Variants in PCLO observed in about 807,000 individuals in gnomAD.
The protein encoded by PCLO is piccolo presynaptic cytomatrix protein.
Under a neutral mutation model 427.5 loss-of-function variants are expected in PCLO, and 82 were observed. The ratio of observed to expected loss-of-function variants is 0.19; its 90% CI spans 0.16 to 0.23. PCLO has a LOEUF of 0.23. PCLO is among the 10% of genes least tolerant of loss of function. The pLI, the probability that PCLO is intolerant of heterozygous loss-of-function variation, is 1.00. For synonymous variants in PCLO, 2,357 were observed against 2,155.4 expected (o/e 1.09, Z -2.59); for missense variants, 6,239 against 6,115.9 (o/e 1.02, Z -0.67).
At chr7:82,763,161 A>G (rs762651692) in intron 22 of PCLO, among the ~76,000 whole-genome samples, 10 of 152,134 alleles carry the variant, frequency 6.6e-5, no homozygotes, top group Non-Finnish European at 1.5e-4. Context: ...TGATTCATCG[A>G]GGATACCCTT....
chr7:82,911,101 A>G (rs1794309657), intron 7 of PCLO, among the ~76,000 whole-genome samples: 1 of 152,154 alleles, frequency 6.6e-6, no homozygotes, highest in African/African-American at 2.4e-5. Flanking sequence ...GCCTATAGAA[A>G]TAAAGTAGAA....
intron 10 of PCLO, among the ~76,000 whole-genome samples, chr7:82,878,151 G>A (rs930029140): frequency 6.6e-6 from 1 of 152,152 alleles, no homozygotes; most frequent in Admixed American, 6.5e-5. Context: ...TGATGTTACT[G>A]AATTTGAAGT....
At chr7:82,921,782 C>T (rs548393547) in intron 6 of PCLO, among the ~76,000 whole-genome samples, 1 of 151,888 alleles carries the variant, frequency 6.6e-6, no homozygotes, top group South Asian at 2.1e-4. Flanking sequence ...AGCAAAAAAA[C>T]TATCAACAGA....
intron 10 of PCLO, among the ~76,000 whole-genome samples, chr7:82,872,251 T>TA (rs1172235005): frequency 2.0e-5 from 3 of 151,892 alleles, no homozygotes; most frequent in African/African-American, 7.2e-5. Flanking sequence ...AAAGATGCCC[T>TA]AAAATGGTTA....
chr7:83,041,637 G>A (rs569910199), intron 3 of PCLO, among the ~76,000 whole-genome samples: 1 of 152,156 alleles, frequency 6.6e-6, no homozygotes, highest in South Asian at 2.1e-4. Context: ...TTAACCTATA[G>A]TGTACAGTCA....
intron 20 of PCLO, among the ~76,000 whole-genome samples, chr7:82,812,982 C>T (rs1791604162): frequency 6.6e-6 from 1 of 151,392 alleles, no homozygotes; most frequent in Non-Finnish European, 1.5e-5. Context: ...AAAAGTCATT[C>T]TAAAAATAGT....
At chr7:83,024,649 G>A (rs1407342206) in intron 3 of PCLO, among the ~76,000 whole-genome samples, 2 of 152,190 alleles carry the variant, frequency 1.3e-5, no homozygotes, top group Non-Finnish European at 2.9e-5. Flanking sequence ...CACCTCTGGG[G>A]GCAGGACACA....
chr7:82,915,156 T>A lies in PCLO; in HGVS notation c.12830A>T (p.Asp4277Val). The A allele has an allele frequency of 5.6e-6, 9 of 1,595,804 alleles. No individual in the cohort carries two copies. Among genetic ancestry groups the A allele is most frequent in the Non-Finnish European group, 7.7e-6 (9 of 1,170,260 alleles). ...LGNTIRSALQ[D>V]EADKPYSSGS... is the part of the protein sequence containing the mutation. ...ACTACTGTATGGCTTATCCGCTTCA[T>A]CCTGCAGAGCTGAGCGTATGGTATT... The change falls in exon 7 of 25, where the codon GAT becomes GTT. Residue 4277 changes from aspartate to valine, a missense_variant. By Grantham distance (152) the Asp-to-Val change is radical (BLOSUM62 -3). Transcript: ENST00000333891.
At chr7:83,028,367 G>A (rs376792176) in intron 3 of PCLO, among the ~76,000 whole-genome samples, 3 of 149,208 alleles carry the variant, frequency 2.0e-5, no homozygotes, top group Admixed American at 6.7e-5. Flanking sequence ...ATTGCTTCAA[G>A]GAGAATAAAA....
intron 3 of PCLO, among the ~76,000 whole-genome samples, chr7:83,067,161 A>C (rs1242279966): frequency 2.6e-5 from 4 of 152,296 alleles, no homozygotes; most frequent in Non-Finnish European, 5.9e-5. Flanking sequence ...GATATTCCAA[A>C]ATTTTAAAAA....
At chr7:82,903,759 A>G (rs1794116607) in intron 8 of PCLO, among the ~76,000 whole-genome samples, 1 of 151,974 alleles carries the variant, frequency 6.6e-6, no homozygotes, top group Admixed American at 6.6e-5. Flanking sequence ...AAAATTTCAT[A>G]TTACCTATTT....
At position 83,160,221 on chromosome 7, in the gene PCLO, G is replaced by C. The variant is rs1163466526; in HGVS notation, c.248+2124C>G. 3.3e-5 allele frequency among the ~76,000 whole-genome samples: 5 copies of C among 152,108 alleles called. No homozygotes were observed. In the East Asian group the frequency reaches 9.6e-4, roughly 29 times the overall value. On this transcript the variant is annotated intron_variant, in intron 1 of 24. Coordinates refer to ENST00000333891, the MANE Select transcript of PCLO (RefSeq NM_033026.6). The stretch of plus-strand genomic sequence containing the variant: ...ATTAGTAGCCTTATTTAAAGGCAAG[G>C]AACATGAGACACATTGATTGAGAAG...
At chr7:83,086,686 A>G (rs186228268) in intron 3 of PCLO, among the ~76,000 whole-genome samples, 134 of 152,244 alleles carry the variant, frequency 8.8e-4, no homozygotes, top group African/African-American at 3.0e-3. Flanking sequence ...ATGCATCAAC[A>G]TATATTTTCA....
At chr7:82,982,160 G>A (rs553483857) in intron 3 of PCLO, among the ~76,000 whole-genome samples, 23 of 151,948 alleles carry the variant, frequency 1.5e-4, no homozygotes, top group Admixed American at 3.3e-4. Context: ...ATTGTATTGC[G>A]TTATGTTAAT....
At chr7:83,068,141 T>C (rs1489418314) in intron 3 of PCLO, among the ~76,000 whole-genome samples, 2 of 152,070 alleles carry the variant, frequency 1.3e-5, no homozygotes, top group Non-Finnish European at 2.9e-5. Context: ...AAAGTAAAAA[T>C]TTCTTCCTAT....
Position 83,155,830 on chromosome 7 carries a change from T to G in PCLO, c.811A>C (p.Lys271Gln). The G allele has an allele frequency of 6.2e-7, 1 of 1,613,942 alleles. No individual in the cohort carries two copies. Among genetic ancestry groups the G allele is most frequent in the South Asian group, 1.1e-5 (1 of 91,080 alleles). The change falls in exon 2 of 25, where the codon AAA (lysine) becomes CAA (glutamine). Residue 271 changes from lysine to glutamine, a missense_variant. Lys to Gln is a moderately conservative substitution (Grantham distance 53). Around this residue, in one of 5 missense-constraint regions of PCLO, gnomAD observed 4,677 missense variants for 4,468.4 expected, o/e 1.05. Transcript: ENST00000333891. ...PTQTPQTDHAKLPLQRDASRP... is the reference protein window; with the variant it reads ...PTQTPQTDHAQLPLQRDASRP... ...GATGCATCTCGTTGAAGTGGCAATT[T>G]TGCATGGTCTGTCTGAGGAGTCTGG...
chr7:82,881,864 A>G (rs1793516105), intron 9 of PCLO, among the ~76,000 whole-genome samples: 1 of 151,826 alleles, frequency 6.6e-6, no homozygotes, highest in Admixed American at 6.6e-5. Context: ...GCTGGTTTCA[A>G]CCTCCTAGGC....
intron 3 of PCLO, among the ~76,000 whole-genome samples, chr7:83,065,824 G>C (rs371944479): frequency 6.6e-6 from 1 of 152,046 alleles, no homozygotes; most frequent in Admixed American, 6.6e-5. Context: ...TAAGTGAATC[G>C]TGTCAAAAAC....
chr7:82,972,908 T>A (rs1795936362), intron 3 of PCLO, among the ~76,000 whole-genome samples: 1 of 152,248 alleles, frequency 6.6e-6, no homozygotes, highest in East Asian at 1.9e-4. Flanking sequence ...TGGGGAGCAA[T>A]GTTACCCGTA....
Sources: allele counts gnomAD v4.1 joint callset (sites outside exome capture counted in the v4.1 genomes callset), GRCh38; gene constraint gnomAD v4.1.1; regional missense constraint gnomAD v4.1.1; transcripts MANE v1.5; gene names NCBI Gene and HGNC (gene_info 2026-07-23, HGNC 2026-07-21).